The following SIPA1L3 variants were observed in gnomAD, a reference collection of about 807,000 sequenced individuals.
The protein encoded by SIPA1L3 is signal induced proliferation associated 1 like 3.
SIPA1L3 carries 59 observed loss-of-function variants against 150.1 expected under a neutral mutation model. That is an observed-to-expected ratio of 0.39 (90% confidence interval 0.32 to 0.49). The LOEUF (loss-of-function observed/expected upper bound fraction) is 0.49. Ranked by LOEUF, SIPA1L3 falls within the 20% of genes least tolerant of loss-of-function variation. The probability of loss-of-function intolerance (pLI) is 0.86; values close to 1 mark genes in which losing one functional copy is unlikely to be tolerated. For synonymous variants in SIPA1L3, 1,070 were observed against 1,077.6 expected, an observed-to-expected ratio of 0.99 and a Z score of 0.14; for missense variants, 2,211 against 2,489.5, an observed-to-expected ratio of 0.89 and a Z score of 2.38.
chr19:38,145,385 T>C (rs534396518), intron 12 of SIPA1L3, among the ~76,000 whole-genome samples: 1 of 151,816 alleles, frequency 6.6e-6, no homozygotes, highest in African/African-American at 2.4e-5. Context: ...TACAAAAAAT[T>C]AGCTGGGTGT....
intron 2 of SIPA1L3, among the ~76,000 whole-genome samples, chr19:38,049,690 T>G (rs2145757201): frequency 6.6e-6 from 1 of 152,274 alleles, no homozygotes; most frequent in East Asian, 1.9e-4. Flanking sequence ...ATTTTTGTAC[T>G]TTTGGTAGAA....
rs1015990766 is a variant in SIPA1L3 at position 38,201,322 on chromosome 19, A to G, written c.4985-540A>G. Among the ~76,000 whole-genome samples the G allele has an allele frequency of 2.0e-5, 3 of 152,340 alleles. No individual in the cohort carries two copies. In the South Asian group the frequency reaches 6.2e-4, roughly 32 times the overall value. On this transcript the variant is annotated intron_variant, in intron 19 of 21. Transcript: ENST00000222345. ...CACGTGTCCAAGGCGGGACCCAGGA[A>G]TCTTCACTTTCACTGGCAGCCCCGT...
chr19:38,118,147 TC>T (rs1970932240), intron 8 of SIPA1L3, among the ~76,000 whole-genome samples: 1 of 152,230 alleles, frequency 6.6e-6, no homozygotes, highest in African/African-American at 2.4e-5. Context: ...ACACAAGTGT[TC>T]AAAAGAACTA....
chr19:38,190,956 G>T (rs934265265), intron 16 of SIPA1L3, among the ~76,000 whole-genome samples: 2 of 152,202 alleles, frequency 1.3e-5, no homozygotes, highest in Admixed American at 6.5e-5. Context: ...CAGTGGCGTG[G>T]GTAGGCACTG....
At chr19:38,054,489 C>G (rs755605611) in intron 2 of SIPA1L3, among the ~76,000 whole-genome samples, 7 of 152,126 alleles carry the variant, frequency 4.6e-5, no homozygotes, top group Non-Finnish European at 5.9e-5. Flanking sequence ...GCCAGTAATC[C>G]CAGCTACTCA....
At chr19:38,112,412 C>T (rs762832832) in intron 8 of SIPA1L3, among the ~76,000 whole-genome samples, 12 of 152,154 alleles carry the variant, frequency 7.9e-5, no homozygotes, top group Non-Finnish European at 1.8e-4. Context: ...TTCTTCGTCC[C>T]CACTCTGACC....
chr19:38,004,835 C>T (rs1967899881), intron 1 of SIPA1L3, among the ~76,000 whole-genome samples: 1 of 151,320 alleles, frequency 6.6e-6, no homozygotes, highest in Non-Finnish European at 1.5e-5. Context: ...CACTTGTTCA[C>T]TCCCCACCTC....
At chr19:37,916,075 G>A (rs1364899161) in intron 1 of SIPA1L3, among the ~76,000 whole-genome samples, 1 of 151,926 alleles carries the variant, frequency 6.6e-6, no homozygotes, top group South Asian at 2.1e-4. Context: ...TGCCCAGGCT[G>A]GAGTATAGTG....
intron 1 of SIPA1L3, among the ~76,000 whole-genome samples, chr19:37,934,815 C>T (rs532986990): frequency 2.4e-4 from 36 of 152,214 alleles, no homozygotes; most frequent in African/African-American, 8.7e-4. Flanking sequence ...TTGCATTTTG[C>T]TCTTCTCACA....
chr19:38,193,410 TG>T, intron 17 of SIPA1L3, 126 bp from the exon 18 acceptor site: 2 of 1,113,444 alleles, frequency 1.8e-6, no homozygotes, highest in Non-Finnish European at 2.3e-6. Flanking sequence ...AGGAAGGAAA[TG>T]GGGCAGAAAT....
At chr19:38,123,921 G>A (rs1378422867) in intron 9 of SIPA1L3, among the ~76,000 whole-genome samples, 18 of 143,792 alleles carry the variant, frequency 1.3e-4, no homozygotes, top group East Asian at 8.4e-4. Context: ...AGGGGCGGCC[G>A]GGCAGAGGCG....
intron 2 of SIPA1L3, among the ~76,000 whole-genome samples, chr19:38,054,381 C>CGGAT (rs2145766330): frequency 6.6e-6 from 1 of 152,266 alleles, no homozygotes; most frequent in African/African-American, 2.4e-5. Context: ...CCAAGGCAGG[C>CGGAT]GGATCACTTG....
rs111614125 is a variant in SIPA1L3 at position 38,111,646 on chromosome 19, G to A, written c.2291+1262G>A. On this transcript the variant is annotated intron_variant, in intron 8 of 21. Transcript: ENST00000222345. ...AGGGAGGGGCATCCCAGCCTGCAGCGCTGGTTGTCTAGCACCTCTGTGCTG... is the reference window on the plus strand; with the variant it reads ...AGGGAGGGGCATCCCAGCCTGCAGCACTGGTTGTCTAGCACCTCTGTGCTG... 1.4e-3 allele frequency among the ~76,000 whole-genome samples: 206 copies of A among 152,296 alleles called. 1 individual carries two copies. Among genetic ancestry groups the A allele is most frequent in the African/African-American group, 4.3e-3 (179 of 41,560 alleles).
intron 10 of SIPA1L3, 40 bp downstream of exon 10, chr19:38,130,812 C>T: frequency 6.4e-7 from 1 of 1,562,120 alleles, no homozygotes; most frequent in Non-Finnish European, 8.7e-7. Context: ...TGGGTGGCAG[C>T]TCCCAGATCG....
chr19:38,110,812 T>C (rs1970720190), intron 8 of SIPA1L3, among the ~76,000 whole-genome samples: 1 of 151,958 alleles, frequency 6.6e-6, no homozygotes, highest in South Asian at 2.1e-4. Flanking sequence ...TCCCAAGAGT[T>C]GCATCAGAAG....
intron 9 of SIPA1L3, among the ~76,000 whole-genome samples, chr19:38,130,179 G>A (rs1316357091): frequency 6.6e-6 from 1 of 152,144 alleles, no homozygotes; most frequent in Non-Finnish European, 1.5e-5. Flanking sequence ...CCAACCACAA[G>A]GGAGCCAAGA....
rs2145940186 is a variant in SIPA1L3, at chr19:38,141,336, C to G, written c.3296C>G (p.Ala1099Gly). The G allele has an allele frequency of 6.2e-7, 1 of 1,614,022 alleles. No individual in the cohort carries two copies. The highest frequency in any genetic ancestry group is 8.5e-7 in the Non-Finnish European group (1 of 1,179,996). Residue 1099 changes from alanine to glycine, a missense_variant, in exon 11 of 22, where the codon GCC becomes GGC. Around this residue, in one of 5 missense-constraint regions of SIPA1L3, gnomAD observed 806 missense variants for 870.1 expected, o/e 0.93. Transcript: ENST00000222345. ...SHNSLPASKW[A>G]TPTTPGHAQS... ...AACTCTCTACCAGCCTCCAAGTGGG[C>G]CACTCCAACCACTCCCGGCCATGCC...
intron 2 of SIPA1L3, among the ~76,000 whole-genome samples, chr19:38,056,432 C>T (rs984326094): frequency 1.1e-4 from 16 of 152,188 alleles, no homozygotes; most frequent in African/African-American, 3.9e-4. Context: ...TTTCCATGGC[C>T]AACTTCTCAT....
chr19:38,034,554 GCTCA>G (rs1249425414), intron 2 of SIPA1L3, among the ~76,000 whole-genome samples: 2 of 152,108 alleles, frequency 1.3e-5, no homozygotes, highest in African/African-American at 4.8e-5. Context: ...GGACCAGGCT[GCTCA>G]CTGTCTGGCC....
Sources: allele counts gnomAD v4.1 joint callset (sites outside exome capture counted in the v4.1 genomes callset), GRCh38; gene constraint gnomAD v4.1.1; regional missense constraint gnomAD v4.1.1; transcripts MANE v1.5; gene names NCBI Gene and HGNC (gene_info 2026-07-23, HGNC 2026-07-21).